Variants in CRPPA observed in about 807,000 individuals in gnomAD.
CRPPA encodes CDP-L-ribitol pyrophosphorylase A.
CRPPA carries 43 observed loss-of-function variants against 52.0 expected under a neutral mutation model. The observed-to-expected ratio is 0.83, with a 90% confidence interval of 0.65 to 1.07. The LOEUF (loss-of-function observed/expected upper bound fraction) is 1.07. Ranked by LOEUF, CRPPA falls within the 50% of genes least tolerant of loss-of-function variation. The pLI is 0.00. For missense variants in CRPPA, 629 were observed against 551.7 expected, an observed-to-expected ratio of 1.14 and a Z score of -1.40; for synonymous variants, 250 against 203.5, an observed-to-expected ratio of 1.23 and a Z score of -1.94.
intron 9 of CRPPA, among the ~76,000 whole-genome samples, chr7:16,123,630 G>A (rs1782519569): frequency 6.6e-6 from 1 of 152,136 alleles, no homozygotes; most frequent in East Asian, 1.9e-4. Flanking sequence ...GATATGGGTT[G>A]TATGCCAAAT....
rs367550168 is a variant in CRPPA at position 16,279,951 on chromosome 7, G to A, written c.836-1725C>T. ...GGGAGGCCTCACAATCATGGCAGAA[G>A]GTGAAAGGCACATCTCACATGACAG... On this transcript the variant is annotated intron_variant, in intron 5 of 9. Transcript: ENST00000407010. Among the ~76,000 whole-genome samples the A allele has an allele frequency of 3.3e-4, 50 of 152,326 alleles. No individual in the cohort carries two copies. The South Asian group carries it at 0.01, about 32-fold the overall frequency.
chr7:16,213,404 G>A (rs1251490036), intron 9 of CRPPA, among the ~76,000 whole-genome samples: 1 of 128,268 alleles, frequency 7.8e-6, no homozygotes, highest in Non-Finnish European at 1.6e-5. Flanking sequence ...TCCTGTTTTG[G>A]GGACTTATTT....
intron 3 of CRPPA, among the ~76,000 whole-genome samples, chr7:16,317,228 A>G (rs985140900): frequency 6.6e-6 from 1 of 152,174 alleles, no homozygotes; most frequent in African/African-American, 2.4e-5. Context: ...AAGCTATTCA[A>G]TCTGCCTCTC....
intron 2 of CRPPA, among the ~76,000 whole-genome samples, chr7:16,392,402 A>G (rs1466832562): frequency 6.6e-6 from 1 of 152,140 alleles, no homozygotes; most frequent in Non-Finnish European, 1.5e-5. Context: ...TACATTCTTC[A>G]TATTTTTGTC....
intron 4 of CRPPA, among the ~76,000 whole-genome samples, chr7:16,304,788 T>C (rs1164892812): frequency 6.6e-6 from 1 of 152,178 alleles, no homozygotes; most frequent in African/African-American, 2.4e-5. Context: ...TGAAGTGAAC[T>C]CCCTGACTTT....
At chr7:16,119,570 G>T (rs149155809) in intron 9 of CRPPA, among the ~76,000 whole-genome samples, 1 of 152,102 alleles carries the variant, frequency 6.6e-6, no homozygotes, top group Non-Finnish European at 1.5e-5. Flanking sequence ...AAAACCAAAT[G>T]TAACTCTATG....
intron 8 of CRPPA, among the ~76,000 whole-genome samples, chr7:16,220,870 C>G (rs964076042): frequency 2.0e-5 from 3 of 152,142 alleles, no homozygotes; most frequent in Non-Finnish European, 4.4e-5. Flanking sequence ...CCATACTGCC[C>G]AAGGTAATTT....
chr7:16,216,579 T>C (rs1782319970), intron 8 of CRPPA: 1 of 194,114 alleles, frequency 5.2e-6, no homozygotes, highest in South Asian at 8.3e-5. Flanking sequence ...GGTCAGTGGG[T>C]GCGCGCACCG....
At chr7:16,274,949 C>T (rs1262946288) in intron 6 of CRPPA, among the ~76,000 whole-genome samples, 1 of 151,966 alleles carries the variant, frequency 6.6e-6, no homozygotes, top group African/African-American at 2.4e-5. Flanking sequence ...TAGACATTAT[C>T]TACTATAAAA....
chr7:16,107,830 C>A (rs1238996490), intron 9 of CRPPA, among the ~76,000 whole-genome samples: 1 of 151,754 alleles, frequency 6.6e-6, no homozygotes, highest in Non-Finnish European at 1.5e-5. Flanking sequence ...ACATATTATA[C>A]AATATGAAAA....
At chr7:16,236,946 G>GCA (rs1448375595) in intron 8 of CRPPA, among the ~76,000 whole-genome samples, 3 of 112,120 alleles carry the variant, frequency 2.7e-5, no homozygotes, top group Non-Finnish European at 5.8e-5. Context: ...GCTTTCGTGC[G>GCA]CGCGCACACA....
Position 16,216,207 on chromosome 7 carries a change from A to G in CRPPA, c.1120-10T>C, listed in dbSNP as rs200836986. The G allele has an allele frequency of 1.8e-5, 27 of 1,535,736 alleles. No individual in the cohort carries two copies. Among genetic ancestry groups the G allele is most frequent in the Non-Finnish European group, 2.3e-5 (26 of 1,126,758 alleles). On this transcript the variant is annotated splice_polypyrimidine_tract_variant and intron_variant, in intron 8 of 9. Transcript: ENST00000407010. Reference sequence around the variant, plus strand: ...AATCAAGAAAATGAACCTGCAAAATATAAAAGACAGTATTTAGAATATCAT... The same window carrying G: ...AATCAAGAAAATGAACCTGCAAAATGTAAAAGACAGTATTTAGAATATCAT...
Position 16,403,933 on chromosome 7 carries a change from A to AT in CRPPA, c.534+2127dup, listed in dbSNP as rs149920394. On this transcript the variant is annotated intron_variant, in intron 2 of 9. Coordinates refer to ENST00000407010, the MANE Select transcript of CRPPA (RefSeq NM_001101426.4). The stretch of plus-strand genomic sequence containing the variant: ...TTCTTGCCTATAAACATGCAAATGA[A>AT]TTTTGTCTATTGGAGTTTCAACTGA... 1.4e-3 allele frequency among the ~76,000 whole-genome samples: 220 copies of AT among 152,292 alleles called. 2 individuals carry two copies. The highest frequency in any genetic ancestry group is 5.1e-3 in the African/African-American group (214 of 41,572).
At position 16,212,542 on chromosome 7, in the gene CRPPA, A is replaced by G. The variant is rs17169351; in HGVS notation, c.1251+3524T>C. On this transcript the variant is annotated intron_variant, in intron 9 of 9. Transcript: ENST00000407010. ...TACTAAAATATACACACCGTAATGA[A>G]TAATTTCTCCAGGAAAAGAAAGGAA... is the stretch of plus-strand genomic sequence containing the variant. Among the ~76,000 whole-genome samples the G allele has an allele frequency of 0.018, 2,805 of 152,310 alleles. 118 individuals carry two copies. In the East Asian group the frequency reaches 0.19, roughly 10 times the overall value.
At chr7:16,274,343 G>A (rs368591810) in intron 6 of CRPPA, among the ~76,000 whole-genome samples, 1 of 151,998 alleles carries the variant, frequency 6.6e-6, no homozygotes, top group Non-Finnish European at 1.5e-5. Flanking sequence ...CACCACACCC[G>A]GCCTGTTGTG....
chr7:16,129,322 T>C (rs910282640), intron 9 of CRPPA, among the ~76,000 whole-genome samples: 1 of 152,074 alleles, frequency 6.6e-6, no homozygotes, highest in Non-Finnish European at 1.5e-5. Context: ...ATCTCCTGCC[T>C]AGGTCAAATC....
At chr7:16,381,088 G>A (rs1196322135) in intron 2 of CRPPA, among the ~76,000 whole-genome samples, 2 of 151,690 alleles carry the variant, frequency 1.3e-5, no homozygotes, top group Non-Finnish European at 2.9e-5. Flanking sequence ...ATGTTAGGGT[G>A]TCAATTTTGG....
intron 9 of CRPPA, among the ~76,000 whole-genome samples, chr7:16,155,943 A>G (rs1783170668): frequency 6.6e-6 from 1 of 152,086 alleles, no homozygotes; most frequent in Non-Finnish European, 1.5e-5. Flanking sequence ...GCTATCCAGG[A>G]TATGGCAGGG....
intron 9 of CRPPA, among the ~76,000 whole-genome samples, chr7:16,093,218 A>AT (rs1264622096): frequency 6.6e-6 from 1 of 152,118 alleles, no homozygotes. Context: ...TGCCTAACAC[A>AT]TGGTAGCACT....
Sources: gnomAD v4.1 joint callset for allele counts (sites outside exome capture counted in the v4.1 genomes callset) on GRCh38, gnomAD v4.1.1 for gene constraint, MANE v1.5 for transcripts, NCBI Gene and HGNC (gene_info 2026-07-23, HGNC 2026-07-21) for gene names.